QRICH2: variants seen among roughly 807,000 people sequenced by gnomAD.
QRICH2 encodes glutamine-rich protein 2.
A neutral mutation model predicts 168.3 loss-of-function variants in QRICH2; 119 were observed. The ratio of observed to expected loss-of-function variants is 0.71; its 90% confidence interval spans 0.61 to 0.82. The LOEUF is 0.82. QRICH2 is among the 40% of genes least tolerant of loss of function. QRICH2 has a pLI of 0.00. For synonymous variants in QRICH2, 894 were observed against 951.2 expected (o/e 0.94, Z 1.11); for missense variants, 2,241 against 2,491.6 (o/e 0.90, Z 2.14).
chr17:76,284,249 G>C (rs2070842144), intron 7 of QRICH2, among the ~76,000 whole-genome samples: 1 of 140,598 alleles, frequency 7.1e-6, no homozygotes, highest in African/African-American at 3.2e-5. Flanking sequence ...CTTTTCCTAG[G>C]TGGTTCTTCT....
intron 15 of QRICH2, 68 bp from the exon 16 acceptor site, chr17:76,277,378 C>T: frequency 1.9e-6 from 3 of 1,552,204 alleles, no homozygotes; most frequent in Middle Eastern, 1.7e-4. Flanking sequence ...ACTCACCCAC[C>T]CATGGGGCTG....
In QRICH2 at chr17:76,278,340, T is replaced by C. The variant is rs1415870956; in HGVS notation, c.4917-151A>G. 11 of 701,806 alleles carry C rather than the reference T, an allele frequency of 1.6e-5. No homozygotes were observed. In the East Asian group the frequency reaches 3.0e-4, roughly 19 times the overall value. 43.5% of individuals were successfully genotyped at this position (701,806 alleles called of 1,614,324 possible). ...CAGCTTGACCCCTCAGCAGTAGTCC[T>C]TTCCACAGCATCTGAGGGCCAGACT... is the stretch of plus-strand genomic sequence containing the variant. On this transcript the variant is annotated intron_variant, in intron 14 of 18. Coordinates refer to ENST00000680821, the MANE Select transcript of QRICH2 (RefSeq NM_001388453.1).
chr17:76,287,087 C>CACACACACACACACACACACAA, intron 7 of QRICH2, 105 bp downstream of exon 7: 1 of 301,932 alleles, frequency 3.3e-6, no homozygotes. Context: ...CACACACACA[C>CACACACACACACACACACACAA]ATGATGGGAG....
chr17:76,309,577 T>C (rs2071047001), upstream of QRICH2: 1 of 152,220 alleles, frequency 6.6e-6, no homozygotes, highest in Non-Finnish European at 1.5e-5. Flanking sequence ...GTGCCATGCA[T>C]GGCCAGCCTC....
At chr17:76,296,641 A>G (rs2070797040) in intron 3 of QRICH2, among the ~76,000 whole-genome samples, 1 of 151,864 alleles carries the variant, frequency 6.6e-6, no homozygotes, top group Admixed American at 6.6e-5. Context: ...AGCCAGGCAC[A>G]GTGGCACATG....
chr17:76,281,985 G>T lies in QRICH2; in HGVS notation c.4142C>A (p.Ala1381Asp). 6.2e-7 allele frequency: 1 copy of T among 1,613,632 alleles called. No homozygotes were observed. Among genetic ancestry groups the T allele is most frequent in the Non-Finnish European group, 8.5e-7 (1 of 1,179,872 alleles). ...CTGATGGCTCACATCCAGGCTGCAG[G>T]CTGGACAGGTGGCCTCAGGGTCGAT... ...GQIDPEATCP[A>D]CSLDVSHQVS... The change falls in exon 8 of 19, where the codon GCC becomes GAC. Residue 1381 changes from alanine to aspartate, a missense_variant. By Grantham distance (126) the Ala-to-Asp change is moderately radical. Coordinates refer to ENST00000680821, the MANE Select transcript of QRICH2 (RefSeq NM_001388453.1). The surrounding 1 kb of genome is among the most constrained non-coding windows in gnomAD (Gnocchi z 4.4).
chr17:76,298,786 T>TGTGTGTGTGTGTG (rs1416621220), intron 3 of QRICH2, among the ~76,000 whole-genome samples: 1 of 152,070 alleles, frequency 6.6e-6, no homozygotes. Flanking sequence ...CGGCTAATTT[T>TGTGTGTGTGTGTG]TATATTTTTA....
chr17:76,296,351 T>G (rs777645320), intron 3 of QRICH2, among the ~76,000 whole-genome samples: 1 of 152,188 alleles, frequency 6.6e-6, no homozygotes, highest in Admixed American at 6.5e-5. Context: ...TCACCCTGGC[T>G]TGCTGCCTTG....
At position 76,292,101 on chromosome 17, in the gene QRICH2, C is replaced by T. The variant is rs536782321; in HGVS notation, c.2626G>A (p.Val876Met). ...VDQRGLVQPG[V>M]DQRGLVQPGM... is the part of the protein sequence containing the mutation. ...GGTTGGACCAAACCACGCTGATCCA[C>T]TCCAGGTTGCACCAAACCACGCTGA... is the stretch of plus-strand genomic sequence containing the variant. Residue 876 changes from valine (V) to methionine (M), a missense_variant, in exon 4 of 19, where the codon GTG (valine) becomes ATG (methionine). Physicochemically the swap from Val to Met is conservative, Grantham distance 21. Around this residue, in one of 3 missense-constraint regions of QRICH2, gnomAD observed 2,047 missense variants for 2,303.8 expected, o/e 0.89. Transcript: ENST00000680821. 2 of 1,613,262 alleles carry T rather than the reference C, an allele frequency of 1.2e-6. No individual in the cohort carries two copies. The highest frequency in any genetic ancestry group is 1.7e-6 in the Non-Finnish European group (2 of 1,179,498).
chr17:76,304,782 ACACT>A, intron 2 of QRICH2, 96 bp downstream of exon 2: 1 of 904,404 alleles, frequency 1.1e-6, no homozygotes, highest in Non-Finnish European at 1.9e-6. Context: ...CAGAGGGCAC[ACACT>A]GCCTGCCCTG....
rs199860210 is a variant in QRICH2, at chr17:76,274,178, G to T, written c.5565C>A (p.Ala1855=). The change falls in exon 19 of 19, where the codon GCC becomes GCA. Residue 1855 remains alanine, a synonymous_variant. Transcript: ENST00000680821. ...QPNTAHPPSS[A]AVANRGLERH... is the part of the protein sequence containing the mutation. ...TCTCCAGCCCCCTGTTTGCCACCGC[G>T]GCGGAGCTGGGCGGGTGGGCTGTGT... is the stretch of plus-strand genomic sequence containing the variant. 1 of 1,586,048 alleles carries T rather than the reference G, an allele frequency of 6.3e-7. No individual in the cohort carries two copies. The highest frequency in any genetic ancestry group is 8.5e-7 in the Non-Finnish European group (1 of 1,171,056).
rs2071042667 is a variant in QRICH2 at position 76,293,141 on chromosome 17, A to G, written c.1586T>C (p.Phe529Ser). The G allele has an allele frequency of 2.5e-6, 4 of 1,614,218 alleles. No individual in the cohort carries two copies. The East Asian group carries it at 8.9e-5, about 36-fold the overall frequency. ...VVDQHGLVLPFTDQHGLVSPG... is the reference protein window; with the variant it reads ...VVDQHGLVLPSTDQHGLVSPG... ...TGATACCAAACCATGCTGGTCTGTA[A>G]AAGGTAGAACCAGGCCATGTTGATC... Residue 529 changes from phenylalanine (F) to serine (S), a missense_variant, in exon 4 of 19, where the codon TTT becomes TCT. By Grantham distance (155) the Phe-to-Ser change is radical. Transcript: ENST00000680821.
At chr17:76,287,935 G>A (rs574132431) in intron 5 of QRICH2, 38 bp from the exon 6 acceptor site, 1 of 1,536,038 alleles carries the variant, frequency 6.5e-7, no homozygotes, top group East Asian at 2.2e-5. Flanking sequence ...AGGCAGGCCT[G>A]AGCTCCCGCT....
rs541206212 is a variant in QRICH2 at position 76,307,568 on chromosome 17, G to T, written c.431C>A (p.Ala144Glu). 3.2e-6 allele frequency: 5 copies of T among 1,578,354 alleles called. No homozygotes were observed. The Admixed American group carries it at 5.4e-5, about 17-fold the overall frequency. ...FSQASGLDLA[A>E]LEWPEEQEVG... is the part of the protein sequence containing the mutation. ...CTCCTGCTCCTCCGGCCACTCTAGC[G>T]CGGCCAGGTCAAGCCCGCTGGCCTG... Residue 144 changes from alanine to glutamate, a missense_variant, in exon 1 of 19, where the codon GCG becomes GAG. Around this residue, in one of 3 missense-constraint regions of QRICH2, gnomAD observed 2,047 missense variants for 2,303.8 expected, o/e 0.89. Transcript: ENST00000680821. This position sits in a 1 kb window ranked among gnomAD's most constrained non-coding sequence, Gnocchi z 5.3.
intron 7 of QRICH2, 75 bp downstream of exon 7, chr17:76,287,117 A>C: frequency 2.4e-6 from 2 of 819,274 alleles, no homozygotes; most frequent in East Asian, 2.8e-5. Context: ...TTTTGATGAG[A>C]GGTGGGAGGG....
upstream of QRICH2, chr17:76,309,399 A>T (rs2071043966): frequency 6.6e-6 from 1 of 151,998 alleles, no homozygotes; most frequent in Non-Finnish European, 1.5e-5. Flanking sequence ...TCACCTGGTC[A>T]AGCGCCTGTG....
chr17:76,274,961 G>T (rs1012519484), intron 18 of QRICH2, among the ~76,000 whole-genome samples: 1 of 152,182 alleles, frequency 6.6e-6, no homozygotes, highest in Non-Finnish European at 1.5e-5. Context: ...GGCCCTGGAT[G>T]ATGCTGAGGA....
chr17:76,301,478 G>T (rs1228681639), intron 3 of QRICH2: 1 of 231,210 alleles, frequency 4.3e-6, no homozygotes, highest in Non-Finnish European at 9.1e-6. Flanking sequence ...TGAGGCAGGA[G>T]GATTGCTTGA....
chr17:76,277,674 G>A (rs1048189234), intron 15 of QRICH2, among the ~76,000 whole-genome samples: 6 of 150,364 alleles, frequency 4.0e-5, no homozygotes, highest in Non-Finnish European at 7.4e-5. Context: ...ACACACACAC[G>A]TACTCATACA....
Sources: gnomAD v4.1 joint callset for allele counts (sites outside exome capture counted in the v4.1 genomes callset) on GRCh38, gnomAD v4.1.1 for gene constraint, gnomAD v4.1.1 regional missense constraint, Gnocchi (gnomAD v3.1) non-coding constraint, MANE v1.5 for transcripts, NCBI Gene and HGNC (gene_info 2026-07-23, HGNC 2026-07-21) for gene names.